The following EEFSEC variants were observed in gnomAD, a reference collection of about 807,000 sequenced individuals.
The protein encoded by EEFSEC is eukaryotic elongation factor, selenocysteine-tRNA specific, also known as selenocysteine-specific elongation factor.
In EEFSEC, 43 loss-of-function variants were observed where a neutral mutation model predicts 42.1. That is an observed-to-expected ratio of 1.02 (90% confidence interval 0.80 to 1.32). EEFSEC has a LOEUF of 1.32. Among genes scored for constraint, EEFSEC ranks in the 40% most tolerant of loss-of-function variants. The pLI is 0.00. For missense variants in EEFSEC, 745 were observed against 803.6 expected, an observed-to-expected ratio of 0.93 and a Z score of 0.88; for synonymous variants, 354 against 339.1, an observed-to-expected ratio of 1.04 and a Z score of -0.48.
At chr3:128,372,022 G>A (rs1421228294) in intron 6 of EEFSEC, among the ~76,000 whole-genome samples, 4 of 152,174 alleles carry the variant, frequency 2.6e-5, no homozygotes, top group Non-Finnish European at 2.9e-5. Context: ...CTTTTCTTTG[G>A]GAACTATTTC....
At position 128,275,196 on chromosome 3, in the gene EEFSEC, C is replaced by T. The variant is rs115821219; in HGVS notation, c.786+10415C>T. On this transcript the variant is annotated intron_variant, in intron 4 of 6. Coordinates refer to ENST00000254730, the MANE Select transcript of EEFSEC (RefSeq NM_021937.5). ...GTTTCCTCTCCTGGGAAATGGGTGCCCAGCCAGTGTCAGAGCCCCAGCTGG... is the reference window on the plus strand; with the variant it reads ...GTTTCCTCTCCTGGGAAATGGGTGCTCAGCCAGTGTCAGAGCCCCAGCTGG... Among the ~76,000 whole-genome samples, 1,102 of 152,264 alleles carry T rather than the reference C, an allele frequency of 7.2e-3. 21 individuals carry two copies. Among genetic ancestry groups the T allele is most frequent in the African/African-American group, 0.025 (1,047 of 41,546 alleles).
At chr3:128,365,993 C>T (rs570637943) in intron 6 of EEFSEC, among the ~76,000 whole-genome samples, 16 of 152,318 alleles carry the variant, frequency 1.1e-4, no homozygotes, top group Middle Eastern at 3.4e-3. Flanking sequence ...AGCTGATGCA[C>T]CTCTCTGTTG....
chr3:128,244,501 G>A (rs933924729), intron 1 of EEFSEC, among the ~76,000 whole-genome samples: 1 of 151,666 alleles, frequency 6.6e-6, no homozygotes, highest in Non-Finnish European at 1.5e-5. Flanking sequence ...GTGGACAGTG[G>A]GGCTCTTAGC....
rs560740678 is a variant in EEFSEC at position 128,334,029 on chromosome 3, C to T, written c.787-7204C>T. Among the ~76,000 whole-genome samples, 30 of 152,312 alleles carry T rather than the reference C, an allele frequency of 2.0e-4. No individual in the cohort carries two copies. The East Asian group carries it at 4.6e-3, about 24-fold the overall frequency. ...GGGAGGTTGGGAGGGAGGGATGCAG[C>T]TGAGAGTTAGCTCTGAAAACTCCAT... On this transcript the variant is annotated intron_variant, in intron 4 of 6. Transcript: ENST00000254730.
chr3:128,261,327 A>G (rs908902829), intron 2 of EEFSEC, among the ~76,000 whole-genome samples: 21 of 152,222 alleles, frequency 1.4e-4, no homozygotes, highest in East Asian at 1.9e-4. Context: ...TAAACCTCAC[A>G]TTATAGGCTT....
At chr3:128,166,918 G>T (rs1259146987) in intron 1 of EEFSEC, among the ~76,000 whole-genome samples, 4 of 152,122 alleles carry the variant, frequency 2.6e-5, no homozygotes, top group Non-Finnish European at 5.9e-5. Flanking sequence ...CCCCGCAGAA[G>T]GTATAGGGAT....
At chr3:128,257,686 T>C (rs188981418) in intron 2 of EEFSEC, among the ~76,000 whole-genome samples, 1 of 152,368 alleles carries the variant, frequency 6.6e-6, no homozygotes, top group Non-Finnish European at 1.5e-5. Flanking sequence ...CACTGTTGTT[T>C]CATAATACTA....
intron 6 of EEFSEC, among the ~76,000 whole-genome samples, chr3:128,396,124 C>T (rs1365062458): frequency 6.6e-6 from 1 of 152,152 alleles, no homozygotes; most frequent in Admixed American, 6.5e-5. Context: ...GCCCTGCCCT[C>T]TAGGGGGTCC....
intron 4 of EEFSEC, among the ~76,000 whole-genome samples, chr3:128,286,243 G>T (rs1416937665): frequency 6.6e-6 from 1 of 152,144 alleles, no homozygotes; most frequent in Admixed American, 6.6e-5. Flanking sequence ...CCTTCCCTTT[G>T]TGGCTCTGGC....
chr3:128,377,044 G>GT (rs987136134), intron 6 of EEFSEC, among the ~76,000 whole-genome samples: 2 of 151,938 alleles, frequency 1.3e-5, no homozygotes, highest in Admixed American at 1.3e-4. Context: ...CTCACAAACT[G>GT]TTTTTTTAAT....
intron 6 of EEFSEC, among the ~76,000 whole-genome samples, chr3:128,386,974 C>T (rs555777268): frequency 6.6e-6 from 1 of 152,352 alleles, no homozygotes; most frequent in South Asian, 2.1e-4. Flanking sequence ...ATATGCTGGC[C>T]TCTGCAGCCT....
chr3:128,167,868 C>A (rs912931652), intron 1 of EEFSEC, among the ~76,000 whole-genome samples: 22 of 152,130 alleles, frequency 1.4e-4, no homozygotes, highest in African/African-American at 5.3e-4. Context: ...AGGTTTTTGC[C>A]GGCAATCTTC....
intron 4 of EEFSEC, among the ~76,000 whole-genome samples, chr3:128,294,952 G>C (rs956403325): frequency 6.6e-6 from 1 of 152,226 alleles, no homozygotes; most frequent in African/African-American, 2.4e-5. Flanking sequence ...GGCCTCTGCT[G>C]TGCCTGTCAG....
chr3:128,186,594 TG>T (rs897715183), intron 1 of EEFSEC, among the ~76,000 whole-genome samples: 2 of 152,224 alleles, frequency 1.3e-5, no homozygotes, highest in Non-Finnish European at 2.9e-5. Context: ...AGTTGATTTT[TG>T]TATATGGCAT....
intron 1 of EEFSEC, among the ~76,000 whole-genome samples, chr3:128,188,818 G>A (rs2065490929): frequency 6.6e-6 from 1 of 152,206 alleles, no homozygotes; most frequent in Non-Finnish European, 1.5e-5. Context: ...GCCTGAGGGG[G>A]CATGGTGATC....
chr3:128,273,131 C>T (rs2066431889), intron 4 of EEFSEC, among the ~76,000 whole-genome samples: 1 of 152,182 alleles, frequency 6.6e-6, no homozygotes, highest in Admixed American at 6.5e-5. Flanking sequence ...TTTAATGGGC[C>T]TTTTTACTTG....
downstream of EEFSEC, among the ~76,000 whole-genome samples, chr3:128,410,703 C>G (rs927119056): frequency 2.6e-5 from 4 of 152,170 alleles, no homozygotes; most frequent in African/African-American, 9.7e-5. Context: ...ACACTGCTGA[C>G]CCCACATTAC....
chr3:128,200,335 C>A (rs1259449989), intron 1 of EEFSEC, among the ~76,000 whole-genome samples: 1 of 152,058 alleles, frequency 6.6e-6, no homozygotes, highest in Non-Finnish European at 1.5e-5. Context: ...GTTGCCCAGG[C>A]TGGAGTGCAA....
intron 1 of EEFSEC, among the ~76,000 whole-genome samples, chr3:128,227,023 T>A (rs1190218560): frequency 1.3e-5 from 2 of 152,182 alleles, no homozygotes; most frequent in Non-Finnish European, 2.9e-5. Flanking sequence ...CTCGGGCCAT[T>A]GCATCCTGTC....
Sources: gnomAD v4.1 joint callset for allele counts (sites outside exome capture counted in the v4.1 genomes callset) on GRCh38, gnomAD v4.1.1 for gene constraint, MANE v1.5 for transcripts, NCBI Gene and HGNC (gene_info 2026-07-23, HGNC 2026-07-21) for gene names.